MARK2: variants seen among roughly 807,000 people sequenced by gnomAD.
MARK2 encodes the protein serine/threonine-protein kinase MARK2.
A neutral mutation model predicts 89.8 loss-of-function variants in MARK2; 16 were observed. That is an observed-to-expected ratio of 0.18 (90% CI 0.12 to 0.27). MARK2 has a LOEUF of 0.27. Ranked by LOEUF, MARK2 falls within the 10% of genes least tolerant of loss-of-function variation. The pLI is 1.00. For missense variants in MARK2, 621 were observed against 1,049.9 expected, an observed-to-expected ratio of 0.59 and a Z score of 5.65; for synonymous variants, 382 against 399.5, an observed-to-expected ratio of 0.96 and a Z score of 0.52.
chr11:63,843,470 G>A (rs2016121327), intron 1 of MARK2, among the ~76,000 whole-genome samples: 1 of 152,132 alleles, frequency 6.6e-6, no homozygotes, highest in Admixed American at 6.6e-5. Flanking sequence ...TAGGCAGTGA[G>A]CGGCATTGTT....
chr11:63,878,236 A>G (rs1023955075), intron 1 of MARK2, among the ~76,000 whole-genome samples: 3 of 151,784 alleles, frequency 2.0e-5, no homozygotes, highest in South Asian at 2.1e-4. Flanking sequence ...GGCAGCACCC[A>G]TTTAAAATTC....
intron 11 of MARK2, 105 bp downstream of exon 11, chr11:63,901,174 G>A: frequency 1.4e-6 from 1 of 740,296 alleles, no homozygotes; most frequent in South Asian, 1.6e-5. Flanking sequence ...GAGTAGGTGT[G>A]CTCTCTGCTC....
intron 1 of MARK2, among the ~76,000 whole-genome samples, chr11:63,848,943 G>A (rs1017510622): frequency 3.3e-5 from 5 of 151,458 alleles, no homozygotes; most frequent in Admixed American, 1.3e-4. Flanking sequence ...TCCTGACCTC[G>A]TGATCCGCCC....
At chr11:63,888,962 C>T (rs752005710) in intron 1 of MARK2, 256 of 1,351,400 alleles carry the variant, frequency 1.9e-4, no homozygotes, top group Non-Finnish European at 2.4e-4. Flanking sequence ...TTTCTCCAGT[C>T]GGGTATGTTG....
At chr11:63,854,219 T>TGTGA (rs1437717037) in intron 1 of MARK2, among the ~76,000 whole-genome samples, 23 of 143,448 alleles carry the variant, frequency 1.6e-4, no homozygotes, top group Non-Finnish European at 2.7e-4. Context: ...TGTGTGTGTG[T>TGTGA]GACAAGGTCT....
At chr11:63,889,533 G>A (rs961071681) in intron 1 of MARK2, among the ~76,000 whole-genome samples, 2 of 152,248 alleles carry the variant, frequency 1.3e-5, no homozygotes, top group Admixed American at 6.5e-5. Context: ...GGCCTCTCGG[G>A]GTGGAGGCTG....
At chr11:63,878,479 C>G (rs529023580) in intron 1 of MARK2, among the ~76,000 whole-genome samples, 2 of 149,952 alleles carry the variant, frequency 1.3e-5, no homozygotes, top group Admixed American at 1.4e-4. Context: ...ACGCCATTCT[C>G]CTGCCTCAGC....
chr11:63,897,215 A>G (rs1044639450), intron 3 of MARK2, among the ~76,000 whole-genome samples: 1 of 152,148 alleles, frequency 6.6e-6, no homozygotes, highest in South Asian at 2.1e-4. Context: ...CTCTGGCCCT[A>G]TTTCAGAGCT....
At chr11:63,854,828 A>AAT (rs2016762199) in intron 1 of MARK2, among the ~76,000 whole-genome samples, 2 of 148,354 alleles carry the variant, frequency 1.3e-5, no homozygotes, top group East Asian at 4.0e-4. Context: ...AAAAAAAAAA[A>AAT]AAAGGGTATT....
chr11:63,906,188 TCC>T, intron 17 of MARK2, 74 bp downstream of exon 17: 1 of 1,248,452 alleles, frequency 8.0e-7, no homozygotes, highest in South Asian at 3.8e-5. Flanking sequence ...CATCACTAAC[TCC>T]CCTTTTCTGG....
At chr11:63,849,733 A>G (rs2016470325) in intron 1 of MARK2, among the ~76,000 whole-genome samples, 1 of 152,196 alleles carries the variant, frequency 6.6e-6, no homozygotes, top group Non-Finnish European at 1.5e-5. Flanking sequence ...AGCCTGGGCA[A>G]CAAAGCAAGA....
intron 1 of MARK2, among the ~76,000 whole-genome samples, chr11:63,867,621 CTTTG>C (rs1159624019): frequency 9.2e-5 from 14 of 152,110 alleles, no homozygotes; most frequent in African/African-American, 3.4e-4. Context: ...CTCATGTCAC[CTTTG>C]TTTGTGTACT....
chr11:63,864,247 C>T lies in MARK2; in HGVS notation c.54+24687C>T, dbSNP rs532724439. 2.7e-5 allele frequency among the ~76,000 whole-genome samples: 4 copies of T among 150,728 alleles called. No individual in the cohort carries two copies. In the South Asian group the frequency reaches 8.4e-4, roughly 32 times the overall value. ...GGGATTACAGGCGTGAGCCGCCACG[C>T]CCAGCCTATTTATTTATTTTTTGAG... On this transcript the variant is annotated intron_variant, in intron 1 of 18. Coordinates refer to ENST00000402010, the MANE Select transcript of MARK2 (RefSeq NM_001039469.3).
At chr11:63,898,142 T>C in intron 3 of MARK2, 90 bp from the exon 4 acceptor site, 1 of 1,180,766 alleles carries the variant, frequency 8.5e-7, no homozygotes, top group South Asian at 1.3e-5. Context: ...TTTTGGTTTT[T>C]TGGGAAAAAC....
At chr11:63,850,998 G>T (rs1407756143) in intron 1 of MARK2, among the ~76,000 whole-genome samples, 1 of 152,108 alleles carries the variant, frequency 6.6e-6, no homozygotes, top group African/African-American at 2.4e-5. Context: ...ACAGGAGAAC[G>T]TGCCCAGTTT....
intron 1 of MARK2, among the ~76,000 whole-genome samples, chr11:63,882,964 AC>A (rs932458798): frequency 1.3e-5 from 2 of 151,938 alleles, no homozygotes; most frequent in Non-Finnish European, 2.9e-5. Flanking sequence ...CCTTCTGCCT[AC>A]CCCCACCACC....
intron 18 of MARK2, 111 bp from the exon 19 acceptor site, chr11:63,908,766 C>T (rs1941554396): frequency 2.6e-6 from 3 of 1,152,562 alleles, no homozygotes; most frequent in Non-Finnish European, 3.5e-6. Flanking sequence ...CCTGGCTGCT[C>T]CTGCTCCCTC....
rs959188337 is a variant in MARK2 at position 63,908,812 on chromosome 11, G to A, written c.2007-65G>A. 1.2e-5 allele frequency: 17 copies of A among 1,411,634 alleles called. No homozygotes were observed. The Admixed American group carries it at 3.5e-4, about 29-fold the overall frequency. The allele number at this position is 1,411,634 out of a possible 1,614,324, so 87.4% of individuals were successfully genotyped here. On this transcript the variant is annotated intron_variant, in intron 18 of 18. Coordinates refer to ENST00000402010, the MANE Select transcript of MARK2 (RefSeq NM_001039469.3). ...CTCTGGGCTCAGGGGCTGTCTGCCA[G>A]GGTGGCTCTCCTGGGGTGGGGTGCC...
At chr11:63,857,375 G>A (rs1042509184) in intron 1 of MARK2, among the ~76,000 whole-genome samples, 3 of 148,706 alleles carry the variant, frequency 2.0e-5, no homozygotes, top group Non-Finnish European at 4.4e-5. Context: ...GGTCAGGCTG[G>A]TCTCCATGTT....
Sources: allele counts gnomAD v4.1 joint callset (sites outside exome capture counted in the v4.1 genomes callset), GRCh38; gene constraint gnomAD v4.1.1; transcripts MANE v1.5; gene names NCBI Gene and HGNC (gene_info 2026-07-23, HGNC 2026-07-21).